The following MIR2052HG variants were observed in gnomAD, a reference collection of about 807,000 sequenced individuals.
MIR2052HG encodes MIR2052 host gene.
intron 2 of MIR2052HG, among the ~76,000 whole-genome samples, chr8:74,627,995 G>C (rs1247491462): frequency 6.6e-6 from 1 of 152,148 alleles, no homozygotes; most frequent in Non-Finnish European, 1.5e-5. Flanking sequence ...CATAAGGATT[G>C]TGCTCTCCTT....
At chr8:74,682,007 T>C (rs1299315986) in intron 2 of MIR2052HG, among the ~76,000 whole-genome samples, 1 of 152,178 alleles carries the variant, frequency 6.6e-6, no homozygotes, top group Non-Finnish European at 1.5e-5. Flanking sequence ...TTGACTATAC[T>C]ATACACATAG....
intron 2 of MIR2052HG, among the ~76,000 whole-genome samples, chr8:74,618,057 C>T (rs1018058132): frequency 6.6e-5 from 10 of 152,180 alleles, no homozygotes; most frequent in Admixed American, 4.6e-4. Flanking sequence ...GGGGAAGTGC[C>T]GTACTATTCA....
chr8:74,712,808 AT>A (rs933626780), intron 4 of MIR2052HG, among the ~76,000 whole-genome samples: 1 of 151,382 alleles, frequency 6.6e-6, no homozygotes, highest in Non-Finnish European at 1.5e-5. Flanking sequence ...TATGACATTG[AT>A]TTTTTTCTGT....
At chr8:74,657,789 T>C (rs996270593) in intron 2 of MIR2052HG, among the ~76,000 whole-genome samples, 3 of 152,152 alleles carry the variant, frequency 2.0e-5, no homozygotes, top group Non-Finnish European at 4.4e-5. Context: ...ATGATTCAAT[T>C]ACTTCCCACC....
intron 4 of MIR2052HG, among the ~76,000 whole-genome samples, chr8:74,738,038 A>G (rs768298935): frequency 2.0e-5 from 3 of 151,910 alleles, no homozygotes; most frequent in Non-Finnish European, 4.4e-5. Flanking sequence ...TCTGTTATGT[A>G]TGCATGTATG....
Position 74,738,137 on chromosome 8 carries a change from C to G in MIR2052HG, n.372-14304C>G, listed in dbSNP as rs372846434. On this transcript the variant is annotated intron_variant and non_coding_transcript_variant, in intron 4 of 6. Transcript: ENST00000523442. ...TGTATGTATGTATGTATGTATGTAT[C>G]TATCTATCTATCCATCTACCTATCT... Among the ~76,000 whole-genome samples, 844 of 114,298 alleles carry G rather than the reference C, an allele frequency of 7.4e-3. 3 individuals carry two copies. Among genetic ancestry groups the G allele is most frequent in the Middle Eastern group, 0.024 (4 of 164 alleles). 75.0% of individuals were successfully genotyped at this position (114,298 alleles called of 152,430 possible). A position where few individuals can be genotyped will look rare whatever the true frequency, so the allele number is the denominator to read the frequency against.
chr8:74,703,621 T>G (rs1809379180), exon 4 of MIR2052HG: 3 of 452,996 alleles, frequency 6.6e-6, no homozygotes, highest in South Asian at 4.7e-5. Flanking sequence ...TTATTGAATA[T>G]TACTGGGAAA....
intron 2 of MIR2052HG, among the ~76,000 whole-genome samples, chr8:74,614,293 TA>T (rs1303575041): frequency 6.6e-6 from 1 of 152,222 alleles, no homozygotes; most frequent in Non-Finnish European, 1.5e-5. Context: ...AAATATCTGT[TA>T]AAAATATTTC....
At chr8:74,716,032 C>T (rs1283196615) in intron 4 of MIR2052HG, among the ~76,000 whole-genome samples, 1 of 152,132 alleles carries the variant, frequency 6.6e-6, no homozygotes, top group East Asian at 1.9e-4. Flanking sequence ...CAAAGAAGAT[C>T]CCAGAAAGCT....
chr8:74,628,514 G>A (rs1056987762), intron 2 of MIR2052HG, among the ~76,000 whole-genome samples: 6 of 152,286 alleles, frequency 3.9e-5, no homozygotes, highest in African/African-American at 1.4e-4. Context: ...TCCTTGTTCA[G>A]CTAATTCAGT....
chr8:74,653,780 C>T (rs970313153), intron 2 of MIR2052HG, among the ~76,000 whole-genome samples: 4 of 151,890 alleles, frequency 2.6e-5, no homozygotes, highest in Non-Finnish European at 4.4e-5. Flanking sequence ...TTTTTGATTC[C>T]CCATTCAAGC....
chr8:74,736,616 G>A (rs1809746888), intron 4 of MIR2052HG, among the ~76,000 whole-genome samples: 1 of 152,184 alleles, frequency 6.6e-6, no homozygotes, highest in African/African-American at 2.4e-5. Flanking sequence ...AAATATTTTT[G>A]TCAAGAGGAC....
intron 2 of MIR2052HG, among the ~76,000 whole-genome samples, chr8:74,644,515 T>C (rs1476965011): frequency 6.6e-6 from 1 of 152,194 alleles, no homozygotes; most frequent in African/African-American, 2.4e-5. Flanking sequence ...AATGCATTTC[T>C]CAGAAAATAT....
chr8:74,740,552 G>A (rs1288234697), intron 4 of MIR2052HG, among the ~76,000 whole-genome samples: 1 of 152,158 alleles, frequency 6.6e-6, no homozygotes, highest in African/African-American at 2.4e-5. Flanking sequence ...TCCTGCCCTT[G>A]AGTAGCTTAT....
intron 2 of MIR2052HG, among the ~76,000 whole-genome samples, chr8:74,665,604 C>T (rs1035277334): frequency 2.0e-5 from 3 of 152,186 alleles, no homozygotes; most frequent in Non-Finnish European, 4.4e-5. Flanking sequence ...ATCATTTCCT[C>T]CACATCTCTT....
rs1320505798 is a variant in MIR2052HG, at chr8:74,675,290, A to G, written n.217-27089A>G. On this transcript the variant is annotated intron_variant and non_coding_transcript_variant, in intron 2 of 6. Transcript: ENST00000523442. The stretch of plus-strand genomic sequence containing the variant: ...AATCAGAAATGTAGTTAGGCTTGTG[A>G]TGGTTGCATCTGTGCTGAACATGTA... 2.0e-5 allele frequency among the ~76,000 whole-genome samples: 3 copies of G among 152,170 alleles called. No individual in the cohort carries two copies. The East Asian group carries it at 5.8e-4, about 29-fold the overall frequency.
intron 4 of MIR2052HG, among the ~76,000 whole-genome samples, chr8:74,723,605 C>T (rs568621007): frequency 2.1e-4 from 32 of 152,174 alleles, no homozygotes; most frequent in Middle Eastern, 3.4e-3. Flanking sequence ...AGGTGGGCAT[C>T]TGGCTCTATG....
At chr8:74,638,716 C>T (rs1808608434) in intron 2 of MIR2052HG, among the ~76,000 whole-genome samples, 1 of 152,132 alleles carries the variant, frequency 6.6e-6, no homozygotes, top group Admixed American at 6.6e-5. Context: ...GATAACTTCA[C>T]ATTTGGACAC....
chr8:74,680,789 A>G (rs1362265770), intron 2 of MIR2052HG, among the ~76,000 whole-genome samples: 1 of 151,856 alleles, frequency 6.6e-6, no homozygotes, highest in East Asian at 1.9e-4. Flanking sequence ...CATTATTCAC[A>G]ATAGCAAAGA....
Sources: allele counts gnomAD v4.1 joint callset (sites outside exome capture counted in the v4.1 genomes callset), GRCh38; gene constraint gnomAD v4.1.1; transcripts MANE v1.5; gene names NCBI Gene and HGNC (gene_info 2026-07-23, HGNC 2026-07-21).